The following C2 variants were observed in gnomAD, a reference collection of about 807,000 sequenced individuals.
C2 encodes the protein complement C2.
Under a neutral mutation model 85.2 loss-of-function variants are expected in C2, and 64 were observed. The ratio of observed to expected loss-of-function variants is 0.75; its 90% CI spans 0.61 to 0.92. C2 has a LOEUF of 0.92. Ranked by LOEUF, C2 falls within the 40% of genes least tolerant of loss-of-function variation. The pLI, the probability that C2 is intolerant of heterozygous loss-of-function variation, is 0.00. For missense variants in C2, 820 were observed against 971.6 expected, an observed-to-expected ratio of 0.84 and a Z score of 2.07; for synonymous variants, 311 against 370.8, an observed-to-expected ratio of 0.84 and a Z score of 1.85.
At position 31,937,352 on chromosome 6, in the gene C2, C is replaced by G; in HGVS notation, c.1022C>G (p.Ala341Gly). 1 of 1,612,754 alleles carries G rather than the reference C, an allele frequency of 6.2e-7. No individual in the cohort carries two copies. The highest frequency in any genetic ancestry group is 8.5e-7 in the Non-Finnish European group (1 of 1,179,886). The change falls in exon 8 of 18, where the codon GCG (alanine) becomes GGG (glycine). Residue 341 changes from alanine to glycine, a missense_variant. Transcript: ENST00000299367. ...HENGTGTNTY[A>G]ALNSVYLMMN... ...AATGGAACTGGGACTAACACCTATG[C>G]GGCCTTAAACAGTGTCTATCTCATG...
At position 31,928,126 on chromosome 6, in the gene C2, C is replaced by T. The variant is rs137902889; in HGVS notation, c.218C>T (p.Pro73Leu). ...LCKSSGQWQTPGATRSLSKAV... is the reference protein window; with the variant it reads ...LCKSSGQWQTLGATRSLSKAV... ...AAGAGCAGCGGACAGTGGCAGACCC[C>T]AGGAGCCACCCGGTCTCTGTCTAAG... The change falls in exon 2 of 18, where the codon CCA (proline) becomes CTA (leucine). Residue 73 changes from proline to leucine, a missense_variant. Coordinates refer to ENST00000299367, the MANE Select transcript of C2 (RefSeq NM_000063.6). The T allele has an allele frequency of 3.5e-4, 564 of 1,613,192 alleles. 5 individuals carry two copies. In the East Asian group the frequency reaches 0.012, roughly 34 times the overall value.
intron 1 of C2, among the ~76,000 whole-genome samples, chr6:31,905,894 T>C (rs933578753): frequency 1.3e-5 from 2 of 152,064 alleles, no homozygotes; most frequent in Non-Finnish European, 2.9e-5. Flanking sequence ...TGGCTACTCA[T>C]AGAGGTAAGG....
intron 3 of C2, among the ~76,000 whole-genome samples, chr6:31,931,179 T>G (rs570861756): frequency 3.9e-5 from 6 of 152,364 alleles, no homozygotes; most frequent in Non-Finnish European, 7.3e-5. Context: ...TATGGGTATA[T>G]TACAATTTAT....
intron 6 of C2, chr6:31,934,858 A>G (rs1770276636): frequency 1.5e-5 from 4 of 259,234 alleles, no homozygotes; most frequent in Non-Finnish European, 2.4e-5. Flanking sequence ...AAAAATACAA[A>G]ATTAGCCACA....
Position 31,945,111 on chromosome 6 carries a change from C to T in C2, c.2080-67C>T. On this transcript the variant is annotated intron_variant, in intron 17 of 17. Coordinates refer to ENST00000299367, the MANE Select transcript of C2 (RefSeq NM_000063.6). The surrounding 1 kb of genome is among the most constrained non-coding windows in gnomAD (Gnocchi z 5.3). ...GGGATGAGGGAGGCCTTTGAGGGATCTAGGGAGGTTGGGGCTTACAGTTGG... is the reference window on the plus strand; with the variant it reads ...GGGATGAGGGAGGCCTTTGAGGGATTTAGGGAGGTTGGGGCTTACAGTTGG... 6.2e-7 allele frequency: 1 copy of T among 1,608,808 alleles called. No individual in the cohort carries two copies. Among genetic ancestry groups the T allele is most frequent in the South Asian group, 1.1e-5 (1 of 90,998 alleles).
In C2 at chr6:31,931,980, C is replaced by T. The variant is rs1437116578; in HGVS notation, c.443-1630C>T. The stretch of plus-strand genomic sequence containing the variant: ...CTCCCTCCCGGACGGGGCGGCTGGC[C>T]GGGCGGGGGGCTGACCCCCCCACCT... On this transcript the variant is annotated intron_variant, in intron 3 of 17. Coordinates refer to ENST00000299367, the MANE Select transcript of C2 (RefSeq NM_000063.6). Among the ~76,000 whole-genome samples the T allele has an allele frequency of 6.2e-4, 83 of 133,356 alleles. 3 individuals are homozygous for T. The highest frequency in any genetic ancestry group is 1.0e-3 in the African/African-American group (37 of 36,294). 87.5% of individuals were successfully genotyped at this position (133,356 alleles called of 152,430 possible). A position where few individuals can be genotyped will look rare whatever the true frequency, so the allele number is the denominator to read the frequency against.
intron 2 of C2, 132 bp from the exon 3 acceptor site, chr6:31,928,600 A>G: frequency 1.1e-6 from 1 of 875,120 alleles, no homozygotes; most frequent in East Asian, 2.6e-5. Flanking sequence ...ACATGTTGCA[A>G]CCTAATATTT....
chr6:31,916,713 A>G (rs912374880), upstream of C2, among the ~76,000 whole-genome samples: 2 of 151,356 alleles, frequency 1.3e-5, no homozygotes, highest in Admixed American at 1.3e-4. Flanking sequence ...CCACTCTGCA[A>G]TAATTGCAGG....
chr6:31,901,371 C>T (rs866445999), intron 1 of C2: 4 of 1,504,000 alleles, frequency 2.7e-6, no homozygotes, highest in Non-Finnish European at 2.7e-6. Context: ...TCTGGCTCTC[C>T]GAAGCCAAGG....
chr6:31,898,643 C>CTTTTTTTT (rs75322477), upstream of C2, among the ~76,000 whole-genome samples: 5 of 135,678 alleles, frequency 3.7e-5, no homozygotes, highest in Non-Finnish European at 3.2e-5. Flanking sequence ...CCAAACTTAG[C>CTTTTTTTT]TTTTTTTTTT....
intron 1 of C2, among the ~76,000 whole-genome samples, chr6:31,908,712 C>G (rs1248107050): frequency 6.6e-6 from 1 of 151,748 alleles, no homozygotes; most frequent in Non-Finnish European, 1.5e-5. Flanking sequence ...GCAACCACCA[C>G]CCTAATCAGT....
chr6:31,942,279 A>G (rs1181509633), intron 9 of C2, among the ~76,000 whole-genome samples: 1 of 148,804 alleles, frequency 6.7e-6, no homozygotes, highest in Non-Finnish European at 1.5e-5. Context: ...GACCTCAGTC[A>G]TTGGATTAGA....
chr6:31,903,386 G>T lies in C2; in HGVS notation c.73+2247G>T, dbSNP rs9469071. Among the ~76,000 whole-genome samples the T allele has an allele frequency of 4.9e-3, 748 of 151,802 alleles. 3 individuals carry two copies. Among genetic ancestry groups the T allele is most frequent in the East Asian group, 0.014 (73 of 5,148 alleles). On this transcript the variant is annotated intron_variant, in intron 1 of 3. Coordinates refer to the C2 transcript ENST00000452202. ...GGCTCACGCCTGTAATCCCAGCACT[G>T]TGGGAGGCCGAGGCAGGTGGATCAC...
intron 1 of C2, among the ~76,000 whole-genome samples, chr6:31,902,385 C>CCGCGCCGCATCCCGCAGCGCGCG (rs1347898565): frequency 2.0e-5 from 3 of 151,656 alleles, no homozygotes; most frequent in Non-Finnish European, 4.4e-5. Flanking sequence ...CGCGCCCCGC[C>CCGCGCCGCATCCCGCAGCGCGCG]CGCGCCGCAT....
Position 31,937,466 on chromosome 6 carries a change from A to G in C2, c.1129+7A>G. 6.2e-7 allele frequency: 1 copy of G among 1,612,814 alleles called. No homozygotes were observed. The highest frequency in any genetic ancestry group is 8.5e-7 in the Non-Finnish European group (1 of 1,179,956). The stretch of plus-strand genomic sequence containing the variant: ...ATCATCCTTCTGACAGATGGTGGGT[A>G]TCATGGTCTCTGAGTGTGTCTGGAA... On this transcript the variant is annotated splice_region_variant and intron_variant, in intron 8 of 17. Transcript: ENST00000299367.
chr6:31,942,238 C>T (rs958723180), intron 9 of C2, among the ~76,000 whole-genome samples: 16 of 149,454 alleles, frequency 1.1e-4, no homozygotes, highest in African/African-American at 3.0e-4. Context: ...TGAGCCACCA[C>T]GCCTGGCTCT....
At chr6:31,938,422 A>T (rs1448869899) in intron 8 of C2, among the ~76,000 whole-genome samples, 2 of 150,676 alleles carry the variant, frequency 1.3e-5, no homozygotes, top group Admixed American at 1.3e-4. Context: ...AATGTAGAAC[A>T]TTTCAGTAAA....
chr6:31,899,655 T>C (rs2072680), upstream of C2: 3 of 466,054 alleles, frequency 6.4e-6, no homozygotes, highest in East Asian at 3.2e-5. Context: ...CCTCCACATA[T>C]ACATGCACTT....
chr6:31,933,911 G>A lies in C2; in HGVS notation c.661G>A (p.Gly221Ser), dbSNP rs770485901. The A allele has an allele frequency of 1.9e-6, 3 of 1,614,194 alleles. No homozygotes were observed. Among genetic ancestry groups the A allele is most frequent in the South Asian group, 1.1e-5 (1 of 91,082 alleles). Reference sequence around the variant, plus strand: ...CCCTGAGGACGTGGCCCCTGCCCTGGGCACTTCCTTCTCCCACATGCTTGG... The same window carrying A: ...CCCTGAGGACGTGGCCCCTGCCCTGAGCACTTCCTTCTCCCACATGCTTGG... ...DFPEDVAPAL[G>S]TSFSHMLGAT... Residue 221 changes from glycine (G) to serine (S), a missense_variant, in exon 5 of 18, where the codon GGC becomes AGC. Coordinates refer to ENST00000299367, the MANE Select transcript of C2 (RefSeq NM_000063.6).
Sources: allele counts gnomAD v4.1 joint callset (sites outside exome capture counted in the v4.1 genomes callset), GRCh38; gene constraint gnomAD v4.1.1; non-coding constraint Gnocchi (gnomAD v3.1); transcripts MANE v1.5; gene names NCBI Gene and HGNC (gene_info 2026-07-23, HGNC 2026-07-21).